CD109: variants seen among roughly 807,000 people sequenced by gnomAD.
CD109 encodes CD109 molecule, also known as CD109 antigen.
Under a neutral mutation model 165.8 loss-of-function variants are expected in CD109, and 149 were observed. That is an observed-to-expected ratio of 0.90 (90% CI 0.79 to 1.03). CD109 has a LOEUF of 1.03. Among genes scored for constraint, CD109 ranks in the 50% least tolerant of loss-of-function variants. The pLI, the probability that CD109 is intolerant of heterozygous loss-of-function variation, is 0.00. For synonymous variants in CD109, 585 were observed against 592.1 expected, an observed-to-expected ratio of 0.99 and a Z score of 0.18; for missense variants, 1,712 against 1,677.8, an observed-to-expected ratio of 1.02 and a Z score of -0.36.
At chr6:73,710,032 A>G (rs546059583) in intron 2 of CD109, among the ~76,000 whole-genome samples, 2 of 152,368 alleles carry the variant, frequency 1.3e-5, no homozygotes, top group South Asian at 4.1e-4. Flanking sequence ...AAACTGGCAC[A>G]AGACAGGGAT....
chr6:73,821,362 G>A (rs570162985), intron 32 of CD109, among the ~76,000 whole-genome samples: 23 of 152,172 alleles, frequency 1.5e-4, no homozygotes, highest in Middle Eastern at 3.4e-3. Flanking sequence ...CCACAATCCC[G>A]TTACTGGATA....
At chr6:73,687,387 CCT>C in the CD109 span, among the ~76,000 whole-genome samples, 6 of 150,254 alleles carry the variant, frequency 4.0e-5, no homozygotes, top group South Asian at 6.3e-4. Flanking sequence ...TTCTCTTTCT[CCT>C]CTCTCTCCTT....
intron 4 of CD109, among the ~76,000 whole-genome samples, chr6:73,735,457 C>T (rs1772507335): frequency 6.6e-6 from 1 of 151,668 alleles, no homozygotes; most frequent in Non-Finnish European, 1.5e-5. Flanking sequence ...GAAAATAGGA[C>T]ATGGTGGCTG....
At chr6:73,776,553 C>CTTTTT (rs34703329) in intron 15 of CD109, among the ~76,000 whole-genome samples, 3 of 73,108 alleles carry the variant, frequency 4.1e-5, no homozygotes, top group African/African-American at 6.1e-5. Context: ...CGCAAGTGGC[C>CTTTTT]TTTTTTTTTT....
chr6:73,805,128 G>T (rs1173104813), intron 24 of CD109, among the ~76,000 whole-genome samples: 25 of 152,128 alleles, frequency 1.6e-4, no homozygotes. Context: ...AATACCATTT[G>T]ACCCAGCTGT....
At chr6:73,717,375 A>G (rs1262377094) in intron 2 of CD109, among the ~76,000 whole-genome samples, 2 of 152,002 alleles carry the variant, frequency 1.3e-5, no homozygotes, top group Non-Finnish European at 2.9e-5. Context: ...CAGCATGGAC[A>G]TTTTAACAAT....
At chr6:73,778,415 T>C (rs149739420) in intron 15 of CD109, among the ~76,000 whole-genome samples, 36 of 152,352 alleles carry the variant, frequency 2.4e-4, no homozygotes, top group Middle Eastern at 6.8e-3. Context: ...TTTGCCTGAT[T>C]GCCCTGGCCA....
rs529082039 is a variant in CD109 at position 73,719,928 on chromosome 6, T to C, written c.248-3323T>C. Among the ~76,000 whole-genome samples the C allele has an allele frequency of 4.6e-5, 7 of 152,296 alleles. No homozygotes were observed. In the East Asian group the frequency reaches 1.3e-3, roughly 29 times the overall value. On this transcript the variant is annotated intron_variant, in intron 2 of 32. Transcript: ENST00000287097. ...TATAGAATATAATAAGTCTTTCCCA[T>C]TAAAAGTAAGCTTAATGAACAGAAG...
chr6:73,781,835 A>ACACACACACACACACACACACC (rs150665697), intron 17 of CD109, among the ~76,000 whole-genome samples: 1 of 144,328 alleles, frequency 6.9e-6, no homozygotes, highest in Admixed American at 6.9e-5. Context: ...ACACACACAC[A>ACACACACACACACACACACACC]CCCCTCATCA....
intron 30 of CD109, among the ~76,000 whole-genome samples, chr6:73,818,097 T>C (rs181989128): frequency 6.6e-6 from 1 of 152,238 alleles, no homozygotes; most frequent in Admixed American, 6.5e-5. Context: ...GGATGTATAT[T>C]GTACTGTCAC....
rs1041260075 is a variant in CD109, at chr6:73,775,489, G to A, written c.1827+3908G>A. ...CCATTTTCTTCTTCCTTTCCCCCTCGCCCCTGTAACCATCATTTGTTTATC... is the reference window on the plus strand; with the variant it reads ...CCATTTTCTTCTTCCTTTCCCCCTCACCCCTGTAACCATCATTTGTTTATC... On this transcript the variant is annotated intron_variant, in intron 15 of 32. Transcript: ENST00000287097. 5.3e-5 allele frequency among the ~76,000 whole-genome samples: 8 copies of A among 151,012 alleles called. No homozygotes were observed. In the South Asian group the frequency reaches 8.4e-4, roughly 16 times the overall value.
In CD109 at chr6:73,792,629, A is replaced by T. The variant is rs377441745; in HGVS notation, c.2705A>T (p.Asp902Val). 19 of 1,612,482 alleles carry T rather than the reference A, an allele frequency of 1.2e-5. No homozygotes were observed. Among genetic ancestry groups the T allele is most frequent in the Non-Finnish European group, 1.6e-5 (19 of 1,179,848 alleles). ...ACTGCATGTCTTGTGCTTCCAGGAG[A>T]TGTTCTTGGTCCTTCCATCAATGGC... ...SERVQITAIG[D>V]VLGPSINGLA... is the part of the protein sequence containing the mutation. Residue 902 changes from aspartate (D) to valine (V), a missense_variant, in exon 23 of 33, where the codon GAT becomes GTT. Asp to Val is a radical substitution (Grantham distance 152). Coordinates refer to ENST00000287097, the MANE Select transcript of CD109 (RefSeq NM_133493.5).
In CD109 at chr6:73,697,439, C is replaced by T. The variant is rs201142759; in HGVS notation, c.114C>T (p.Pro38=). The change falls in exon 2 of 33, where the codon CCC becomes CCT. Residue 38 remains proline (P), a synonymous_variant. Coordinates refer to ENST00000287097, the MANE Select transcript of CD109 (RefSeq NM_133493.5). The part of the protein sequence containing the change: ...FLVTAPGIIR[P]GGNVTIGVEL... The stretch of plus-strand genomic sequence containing the variant: ...TGACAGCCCCAGGGATCATCAGGCC[C>T]GGAGGAAATGTGACTATTGGGGTGG... The T allele has an allele frequency of 1.5e-5, 24 of 1,613,954 alleles. No individual in the cohort carries two copies. Among genetic ancestry groups the T allele is most frequent in the South Asian group, 7.7e-5 (7 of 91,080 alleles).
rs778385976 is a variant in CD109, at chr6:73,771,565, A to T, written c.1811A>T (p.Asp604Val). The change falls in exon 15 of 33, where the codon GAT (aspartate) becomes GTT (valine). Residue 604 changes from aspartate (D) to valine (V), a missense_variant. Physicochemically the swap from Asp to Val is radical, Grantham distance 152. Coordinates refer to ENST00000287097, the MANE Select transcript of CD109 (RefSeq NM_133493.5). ...GTGAATCTGATGAATGCCTCTAATG[A>T]TATTACAATGGAAAATGTGAGTTTA... The part of the protein sequence containing the change: ...KSVNLMNASN[D>V]ITMENVVHEL... 3 of 1,576,076 alleles carry T rather than the reference A, an allele frequency of 1.9e-6. No homozygotes were observed. The highest frequency in any genetic ancestry group is 4.6e-5 in the East Asian group (2 of 43,556).
chr6:73,780,993 C>T (rs1774469795), intron 16 of CD109, among the ~76,000 whole-genome samples: 1 of 134,276 alleles, frequency 7.4e-6, no homozygotes, highest in African/African-American at 2.9e-5. Flanking sequence ...TGAGAGAGAT[C>T]GATATGTGTA....
At chr6:73,697,269 G>A in intron 1 of CD109, 131 bp from the exon 2 acceptor site, 1 of 687,098 alleles carries the variant, frequency 1.5e-6, no homozygotes, top group South Asian at 1.9e-5. Context: ...AGAGCAGTGG[G>A]CAATGTTAAC....
intron 32 of CD109, among the ~76,000 whole-genome samples, chr6:73,823,060 C>G (rs1224192220): frequency 6.6e-6 from 1 of 152,090 alleles, no homozygotes; most frequent in Non-Finnish European, 1.5e-5. Context: ...TTCAGTAGTT[C>G]TAATGATTAG....
Position 73,723,243 on chromosome 6 carries a change from C to T in CD109, c.248-8C>T. Reference sequence around the variant, plus strand: ...CTAACTCTGTTTTCTTTCCTGTTTTCCTTGTAGGCTCTTTTAAGACACTTA... The same window carrying T: ...CTAACTCTGTTTTCTTTCCTGTTTTTCTTGTAGGCTCTTTTAAGACACTTA... On this transcript the variant is annotated splice_polypyrimidine_tract_variant and splice_region_variant and intron_variant, in intron 2 of 32. Transcript: ENST00000287097. 1 of 1,612,382 alleles carries T rather than the reference C, an allele frequency of 6.2e-7. No individual in the cohort carries two copies. Among genetic ancestry groups the T allele is most frequent in the Non-Finnish European group, 8.5e-7 (1 of 1,179,528 alleles).
chr6:73,740,896 A>G (rs533643817), intron 5 of CD109, among the ~76,000 whole-genome samples: 12 of 152,170 alleles, frequency 7.9e-5, no homozygotes, highest in African/African-American at 2.9e-4. Context: ...TGGCCAAGAA[A>G]GGAAACAAAT....
Sources: allele counts gnomAD v4.1 joint callset (sites outside exome capture counted in the v4.1 genomes callset), GRCh38; gene constraint gnomAD v4.1.1; transcripts MANE v1.5; gene names NCBI Gene and HGNC (gene_info 2026-07-23, HGNC 2026-07-21).